The following ULK2 variants were observed in gnomAD, a reference collection of about 807,000 sequenced individuals.
The protein encoded by ULK2 is unc-51 like autophagy activating kinase 2, also known as serine/threonine-protein kinase ULK2.
Under a neutral mutation model 127.5 loss-of-function variants are expected in ULK2, and 76 were observed. The ratio of observed to expected loss-of-function variants is 0.60; its 90% CI spans 0.50 to 0.72. The LOEUF (loss-of-function observed/expected upper bound fraction) is 0.72. ULK2 is among the 30% of genes least tolerant of loss of function. The pLI, the probability that ULK2 is intolerant of heterozygous loss-of-function variation, is 0.00. For missense variants in ULK2, 1,144 were observed against 1,295.9 expected (o/e 0.88, Z 1.80); for synonymous variants, 452 against 461.9 (o/e 0.98, Z 0.28).
intron 25 of ULK2, among the ~76,000 whole-genome samples, chr17:19,778,529 T>G (rs2086854512): frequency 6.6e-6 from 1 of 152,258 alleles, no homozygotes; most frequent in Non-Finnish European, 1.5e-5. Flanking sequence ...ATTTTCTCTT[T>G]GATCATTAAG....
At chr17:19,817,151 A>C (rs977528798) in intron 12 of ULK2, among the ~76,000 whole-genome samples, 55 of 152,340 alleles carry the variant, frequency 3.6e-4, no homozygotes, top group African/African-American at 1.3e-3. Context: ...ACTTAAAAAT[A>C]TATCGTACCA....
At chr17:19,777,751 T>C in intron 25 of ULK2, 35 bp from the exon 26 acceptor site, 1 of 1,575,446 alleles carries the variant, frequency 6.3e-7, no homozygotes, top group Non-Finnish European at 8.6e-7. Context: ...ATTCTCTCAA[T>C]TTTTCCAAGA....
Position 19,851,326 on chromosome 17 carries a change from CAAAAA to C in ULK2, c.226-1557_226-1553del, listed in dbSNP as rs554643908. Among the ~76,000 whole-genome samples the C allele has an allele frequency of 9.7e-5, 4 of 41,052 alleles. No homozygotes were observed. The Admixed American group carries it at 1.1e-3, about 11-fold the overall frequency. The allele number at this position is 41,052 out of a possible 152,430, so 26.9% of individuals were successfully genotyped here. On this transcript the variant is annotated intron_variant, in intron 3 of 26. Transcript: ENST00000395544. ...TGGGCAACAGAGTGAGACTTCCCCT[CAAAAA>C]AAAAAAAAAAAAAAAAAAAAATTAG...
intron 20 of ULK2, among the ~76,000 whole-genome samples, chr17:19,795,243 GGT>G (rs2087241962): frequency 6.7e-6 from 1 of 149,766 alleles, no homozygotes; most frequent in Non-Finnish European, 1.5e-5. Flanking sequence ...AAGGTTCAGG[GGT>G]CTCAGTGACC....
chr17:19,845,161 T>C, intron 7 of ULK2, 143 bp downstream of exon 7: 1 of 670,628 alleles, frequency 1.5e-6, no homozygotes, highest in Admixed American at 3.0e-5. Context: ...TATTATAGCA[T>C]TATCAGTAAT....
rs913154855 is a variant in ULK2 at position 19,821,493 on chromosome 17, C to T, written c.924+3601G>A. Among the ~76,000 whole-genome samples, 11 of 148,790 alleles carry T rather than the reference C, an allele frequency of 7.4e-5. 1 individual carries two copies. The highest frequency in any genetic ancestry group is 2.2e-4 in the African/African-American group (9 of 41,098). ...AGATATTTACATGAGAATGTAAAAA[C>T]GACAACGTTATATCACATGCCTGTG... On this transcript the variant is annotated intron_variant, in intron 12 of 26. Transcript: ENST00000395544.
At chr17:19,854,376 T>C (rs2042080672) in intron 3 of ULK2, among the ~76,000 whole-genome samples, 2 of 152,038 alleles carry the variant, frequency 1.3e-5, no homozygotes, top group Admixed American at 1.3e-4. Flanking sequence ...AATGTGTATC[T>C]CATTAATACT....
intron 10 of ULK2, 115 bp downstream of exon 10, chr17:19,838,386 A>C: frequency 1.1e-6 from 1 of 907,540 alleles, no homozygotes; most frequent in Non-Finnish European, 1.7e-6. Context: ...TGAAGGAAAT[A>C]AACAAAAAGA....
chr17:19,803,382 C>T (rs545949220), intron 15 of ULK2, among the ~76,000 whole-genome samples: 28 of 152,152 alleles, frequency 1.8e-4, no homozygotes, highest in Non-Finnish European at 2.4e-4. Context: ...AATACAAAGA[C>T]TAATAGTACT....
intron 14 of ULK2, among the ~76,000 whole-genome samples, chr17:19,810,063 C>G (rs942016619): frequency 6.6e-6 from 1 of 150,796 alleles, no homozygotes. Context: ...AACCTTGTCT[C>G]TATTAAAAAT....
rs2086788217 is a variant in ULK2, at chr17:19,774,869, G to C, written c.*1480C>G. On this transcript the variant is annotated 3_prime_UTR_variant, in exon 27 of 27. Transcript: ENST00000395544. ...GAATAATGCATGCAGTTACAAATGA[G>C]AGGTAGAAACACTGTATTAAAGACC... 1 of 152,596 alleles carries C rather than the reference G, an allele frequency of 6.6e-6. No homozygotes were observed. The allele number at this position is 152,596 out of a possible 1,614,324, so 9.5% of individuals were successfully genotyped here.
chr17:19,825,002 A>C (rs2041252038), intron 12 of ULK2, 92 bp downstream of exon 12: 2 of 1,211,862 alleles, frequency 1.7e-6, no homozygotes, highest in Middle Eastern at 4.1e-4. Context: ...ATTACACATA[A>C]AAAGAATATC....
chr17:19,790,354 T>C (rs1310658742), intron 20 of ULK2, among the ~76,000 whole-genome samples: 2 of 150,690 alleles, frequency 1.3e-5, no homozygotes, highest in Non-Finnish European at 1.5e-5. Context: ...GAAGCAGAGG[T>C]TACAGTGAGC....
At chr17:19,855,715 C>G (rs1326982898) in intron 3 of ULK2, 1 of 152,164 alleles carries the variant, frequency 6.6e-6, no homozygotes, top group Non-Finnish European at 1.5e-5. Flanking sequence ...AACTCTGATT[C>G]CCTCTTGTTT....
chr17:19,811,453 T>C (rs1232815043), intron 13 of ULK2, among the ~76,000 whole-genome samples: 1 of 151,968 alleles, frequency 6.6e-6, no homozygotes, highest in Non-Finnish European at 1.5e-5. Context: ...TTAATTTATG[T>C]ATTTTTGAGA....
intron 15 of ULK2, 47 bp downstream of exon 15, chr17:19,804,646 T>A (rs1298707119): frequency 1.3e-6 from 2 of 1,532,516 alleles, no homozygotes; most frequent in African/African-American, 1.4e-5. Context: ...AAATTTTTTT[T>A]AAAGGAGATG....
At chr17:19,833,925 A>T (rs1350797502) in intron 10 of ULK2, among the ~76,000 whole-genome samples, 2 of 152,228 alleles carry the variant, frequency 1.3e-5, no homozygotes, top group African/African-American at 4.8e-5. Context: ...CAACTCCCCA[A>T]ATTTGGTGAA....
chr17:19,792,340 A>G (rs906343245), intron 20 of ULK2, among the ~76,000 whole-genome samples: 4 of 152,216 alleles, frequency 2.6e-5, no homozygotes, highest in Admixed American at 2.0e-4. Flanking sequence ...AGACTAAGAA[A>G]AGAGGAAACA....
At chr17:19,831,784 G>A (rs1374888355) in intron 10 of ULK2, among the ~76,000 whole-genome samples, 2 of 151,950 alleles carry the variant, frequency 1.3e-5, no homozygotes, top group African/African-American at 4.8e-5. Context: ...TCAAGACTGT[G>A]CCACTGCACT....
Sources: allele counts gnomAD v4.1 joint callset (sites outside exome capture counted in the v4.1 genomes callset), GRCh38; gene constraint gnomAD v4.1.1; transcripts MANE v1.5; gene names NCBI Gene and HGNC (gene_info 2026-07-23, HGNC 2026-07-21).